The following CNBD1 variants were observed in gnomAD, a reference collection of about 807,000 sequenced individuals.
CNBD1 encodes cyclic nucleotide-binding domain-containing protein 1.
A neutral mutation model predicts 54.4 loss-of-function variants in CNBD1; 71 were observed. The ratio of observed to expected loss-of-function variants is 1.30; its 90% confidence interval spans 1.08 to 1.59. CNBD1 has a LOEUF of 1.59. CNBD1 is among the 40% of genes most tolerant of loss of function. The pLI is 0.00. For missense variants in CNBD1, 659 were observed against 518.0 expected (o/e 1.27, Z -2.64); for synonymous variants, 182 against 170.7 (o/e 1.07, Z -0.51).
intron 4 of CNBD1, among the ~76,000 whole-genome samples, chr8:87,037,521 A>G (rs755368815): frequency 3.9e-5 from 6 of 151,990 alleles, no homozygotes; most frequent in Non-Finnish European, 8.8e-5. Context: ...TTTTTCTTAT[A>G]TTTTCCAGTT....
rs1198406833 is a variant in CNBD1 at position 87,182,597 on chromosome 8, G to A, written c.432-23396G>A. Reference sequence around the variant, plus strand: ...TAATGATAGCCATTCTGACTGATACGAGATGGTATCTCATCGTGGTTTTGA... The same window carrying A: ...TAATGATAGCCATTCTGACTGATACAAGATGGTATCTCATCGTGGTTTTGA... On this transcript the variant is annotated intron_variant, in intron 4 of 10. Coordinates refer to ENST00000518476, the MANE Select transcript of CNBD1 (RefSeq NM_173538.3). The surrounding 1 kb of genome is among the most constrained non-coding windows in gnomAD (Gnocchi z 4.1). Among the ~76,000 whole-genome samples, 2 of 151,754 alleles carry A rather than the reference G, an allele frequency of 1.3e-5. No homozygotes were observed. The highest frequency in any genetic ancestry group is 2.9e-5 in the Non-Finnish European group (2 of 67,980).
At chr8:87,100,534 A>G in intron 4 of CNBD1, among the ~76,000 whole-genome samples, 1 of 152,124 alleles carries the variant, frequency 6.6e-6, no homozygotes, top group South Asian at 2.1e-4. Flanking sequence ...GCTGGAGTGC[A>G]GTGGTGCAGT....
intron 6 of CNBD1, among the ~76,000 whole-genome samples, chr8:87,272,652 T>C (rs528558026): frequency 6.6e-6 from 1 of 152,068 alleles, no homozygotes; most frequent in East Asian, 1.9e-4. Context: ...ATCAGAGCAG[T>C]CAATTTATAC....
chr8:87,393,247 A>T (rs113105149), intron 2 of CNBD1, among the ~76,000 whole-genome samples: 2,864 of 151,940 alleles, frequency 0.019, 92 homozygotes, highest in African/African-American at 0.062. Flanking sequence ...CGAGAGAAAT[A>T]ATTTACTCTG....
At chr8:86,872,771 G>A (rs1808459537) in intron 1 of CNBD1, among the ~76,000 whole-genome samples, 1 of 152,124 alleles carries the variant, frequency 6.6e-6, no homozygotes, top group African/African-American at 2.4e-5. Flanking sequence ...GTTGGACTAT[G>A]TGTTTGCTTG....
In CNBD1 at chr8:87,163,048, CAG is replaced by C. The variant is rs1337382018; in HGVS notation, c.432-42938_432-42937del. ...AGCTTTCAAAGCACCATTTTGGGGG[CAG>C]AGAGAGCAGCCTTCACCACATACCA... On this transcript the variant is annotated intron_variant, in intron 4 of 10. Transcript: ENST00000518476. This position sits in a 1 kb window ranked among gnomAD's most constrained non-coding sequence, Gnocchi z 4.5. Among the ~76,000 whole-genome samples, 1 of 152,006 alleles carries C rather than the reference CAG, an allele frequency of 6.6e-6. No individual in the cohort carries two copies. Among genetic ancestry groups the C allele is most frequent in the Non-Finnish European group, 1.5e-5 (1 of 67,974 alleles).
At position 87,174,674 on chromosome 8, in the gene CNBD1, A is replaced by G. The variant is rs148716687; in HGVS notation, c.432-31319A>G. 9.2e-3 allele frequency among the ~76,000 whole-genome samples: 1,397 copies of G among 152,052 alleles called. 24 individuals carry two copies. The highest frequency in any genetic ancestry group is 0.032 in the African/African-American group (1,309 of 41,432). The stretch of plus-strand genomic sequence containing the variant: ...CTGGGCATTGAAGAGTTGGGTATTT[A>G]TTGTAGTCTTTGCAATCTGGGCTTC... On this transcript the variant is annotated intron_variant, in intron 4 of 10. Transcript: ENST00000518476.
chr8:87,285,218 G>GA (rs1226409429), intron 7 of CNBD1, among the ~76,000 whole-genome samples: 10 of 152,134 alleles, frequency 6.6e-5, no homozygotes, highest in African/African-American at 1.9e-4. Flanking sequence ...ACTTTAAAAG[G>GA]AAAAATACTT....
At chr8:87,037,165 T>A (rs1421204241) in intron 4 of CNBD1, among the ~76,000 whole-genome samples, 5 of 152,228 alleles carry the variant, frequency 3.3e-5, no homozygotes, top group African/African-American at 1.2e-4. Flanking sequence ...GTTTCCTTAC[T>A]TTTTAGGTTC....
At chr8:87,038,325 C>T (rs536588051) in intron 4 of CNBD1, among the ~76,000 whole-genome samples, 9 of 152,226 alleles carry the variant, frequency 5.9e-5, no homozygotes, top group South Asian at 2.1e-4. Context: ...TTAATTGACG[C>T]GAGACTGGCT....
At chr8:87,122,338 A>C (rs1016837733) in intron 4 of CNBD1, among the ~76,000 whole-genome samples, 6 of 151,658 alleles carry the variant, frequency 4.0e-5, no homozygotes, top group African/African-American at 1.2e-4. Context: ...ATCTGGTGGA[A>C]ATTTGTATGT....
At chr8:87,159,709 G>A (rs2130757885) in intron 4 of CNBD1, among the ~76,000 whole-genome samples, 1 of 152,182 alleles carries the variant, frequency 6.6e-6, no homozygotes, top group East Asian at 1.9e-4. Context: ...GCCAACCTAA[G>A]GCAAGAGGTC....
chr8:87,410,289 TA>T (rs1282764509), intron 2 of CNBD1, among the ~76,000 whole-genome samples: 3 of 152,152 alleles, frequency 2.0e-5, no homozygotes, highest in Non-Finnish European at 4.4e-5. Flanking sequence ...TCATATTATT[TA>T]AAAAATACAT....
intron 4 of CNBD1, among the ~76,000 whole-genome samples, chr8:87,192,891 G>A (rs1813642612): frequency 6.6e-6 from 1 of 152,118 alleles, no homozygotes; most frequent in South Asian, 2.1e-4. Flanking sequence ...GTGTTCATAT[G>A]TGTATTTGAA....
rs989411453 is a variant in CNBD1 at position 87,223,934 on chromosome 8, C to T, written c.578-12985C>T. Among the ~76,000 whole-genome samples, 34 of 152,324 alleles carry T rather than the reference C, an allele frequency of 2.2e-4. 1 individual carries two copies. The South Asian group carries it at 3.3e-3, about 15-fold the overall frequency. ...TCCTGACTTTTTAATGATCGCCATT[C>T]TAACTGGTGTGAGATGGTATCTCAT... is the stretch of plus-strand genomic sequence containing the variant. On this transcript the variant is annotated intron_variant, in intron 5 of 10. Transcript: ENST00000518476.
intron 10 of CNBD1, among the ~76,000 whole-genome samples, chr8:87,361,025 G>C (rs1036059067): frequency 6.6e-6 from 1 of 151,672 alleles, no homozygotes; most frequent in Non-Finnish European, 1.5e-5. Flanking sequence ...GATTATCCTT[G>C]TTAAATTAAC....
At chr8:87,027,250 C>A (rs1383435816) in intron 4 of CNBD1, among the ~76,000 whole-genome samples, 1 of 151,966 alleles carries the variant, frequency 6.6e-6, no homozygotes, top group Non-Finnish European at 1.5e-5. Flanking sequence ...AAACAGCTCC[C>A]ATGGCAGTTT....
chr8:87,236,245 C>T (rs1807582888), intron 5 of CNBD1, among the ~76,000 whole-genome samples: 1 of 152,088 alleles, frequency 6.6e-6, no homozygotes, highest in African/African-American at 2.4e-5. Context: ...TCAAAGGCTT[C>T]AGAAGAACTG....
At chr8:87,142,339 A>G (rs1327687549) in intron 4 of CNBD1, among the ~76,000 whole-genome samples, 1 of 152,198 alleles carries the variant, frequency 6.6e-6, no homozygotes, top group East Asian at 1.9e-4. Flanking sequence ...AAAAGCTTCA[A>G]GTAAGAGCAG....
Sources: gnomAD v4.1 joint callset for allele counts (sites outside exome capture counted in the v4.1 genomes callset) on GRCh38, gnomAD v4.1.1 for gene constraint, Gnocchi (gnomAD v3.1) non-coding constraint, MANE v1.5 for transcripts, NCBI Gene and HGNC (gene_info 2026-07-23, HGNC 2026-07-21) for gene names.